The following PBX3 variants were observed in gnomAD, a reference collection of about 807,000 sequenced individuals.
The protein encoded by PBX3 is PBX homeobox 3, also known as pre-B-cell leukemia transcription factor 3.
Under a neutral mutation model 48.5 loss-of-function variants are expected in PBX3, and 14 were observed. The observed-to-expected ratio is 0.29, with a 90% confidence interval of 0.19 to 0.45. The LOEUF is 0.45. Among genes scored for constraint, PBX3 ranks in the 20% least tolerant of loss-of-function variants. PBX3 has a pLI of 1.00. For missense variants in PBX3, 386 were observed against 546.7 expected (o/e 0.71, Z 2.93); for synonymous variants, 210 against 200.3 (o/e 1.05, Z -0.41).
intron 2 of PBX3, among the ~76,000 whole-genome samples, chr9:125,862,190 C>T (rs781429019): frequency 1.3e-5 from 2 of 152,174 alleles, no homozygotes; most frequent in Non-Finnish European, 2.9e-5. Context: ...TTCCTGGTGG[C>T]GTTACTAGGT....
At chr9:125,763,753 C>G (rs887965499) in intron 2 of PBX3, among the ~76,000 whole-genome samples, 3 of 152,164 alleles carry the variant, frequency 2.0e-5, no homozygotes, top group Admixed American at 6.5e-5. Flanking sequence ...CGCTGTCCCT[C>G]CTTTTACTCC....
At chr9:125,890,010 G>T (rs1840602967) in intron 2 of PBX3, among the ~76,000 whole-genome samples, 1 of 152,026 alleles carries the variant, frequency 6.6e-6, no homozygotes, top group Non-Finnish European at 1.5e-5. Context: ...AACGCGCGTT[G>T]CCCGCCGACC....
rs1343170625 is a variant in PBX3, at chr9:125,883,215, G to A, written c.275-32471G>A. Among the ~76,000 whole-genome samples, 3 of 152,144 alleles carry A rather than the reference G, an allele frequency of 2.0e-5. No homozygotes were observed. In the East Asian group the frequency reaches 5.8e-4, roughly 29 times the overall value. On this transcript the variant is annotated intron_variant, in intron 2 of 8. Transcript: ENST00000373489. ...CAAACACGGTAAACTTAGATAACTA[G>A]AAAAAGGTGTTAGGCTTACAATTTT...
chr9:125,777,357 T>G (rs1198272157), intron 2 of PBX3, among the ~76,000 whole-genome samples: 1 of 149,196 alleles, frequency 6.7e-6, no homozygotes, highest in African/African-American at 2.5e-5. Flanking sequence ...ATTCTTCTTC[T>G]TCTTCTTTTT....
At chr9:125,821,426 A>AACTTTCAAC (rs1838650820) in intron 2 of PBX3, among the ~76,000 whole-genome samples, 1 of 152,132 alleles carries the variant, frequency 6.6e-6, no homozygotes, top group South Asian at 2.1e-4. Context: ...GTTGAAAGAA[A>AACTTTCAAC]GAATCTTTTT....
At chr9:125,925,419 C>T (rs914676532) in intron 3 of PBX3, among the ~76,000 whole-genome samples, 1 of 151,924 alleles carries the variant, frequency 6.6e-6, no homozygotes, top group Non-Finnish European at 1.5e-5. Flanking sequence ...AATGAAATAC[C>T]TCATTAACAG....
intron 2 of PBX3, among the ~76,000 whole-genome samples, chr9:125,767,049 T>C (rs1836817548): frequency 6.6e-6 from 1 of 152,222 alleles, no homozygotes; most frequent in African/African-American, 2.4e-5. Context: ...CAACCACTGA[T>C]GTGTTGCTGT....
chr9:125,831,798 G>C (rs1009725433), intron 2 of PBX3, among the ~76,000 whole-genome samples: 1 of 152,114 alleles, frequency 6.6e-6, no homozygotes, highest in Non-Finnish European at 1.5e-5. Context: ...TGGCTCCTGT[G>C]TCCTTCTGAT....
intron 2 of PBX3, 132 bp from the exon 3 acceptor site, chr9:125,915,554 A>G: frequency 3.0e-6 from 2 of 664,860 alleles, no homozygotes; most frequent in Admixed American, 5.9e-5. Flanking sequence ...AATGTGAACA[A>G]TGAAGTTCTC....
chr9:125,935,428 A>C, intron 4 of PBX3, 44 bp from the exon 5 acceptor site: 1 of 1,598,754 alleles, frequency 6.3e-7, no homozygotes, highest in Non-Finnish European at 8.6e-7. Context: ...TCTTAGGTTA[A>C]TGCTGATTGT....
At chr9:125,791,383 C>T (rs1457661775) in intron 2 of PBX3, among the ~76,000 whole-genome samples, 2 of 151,726 alleles carry the variant, frequency 1.3e-5, no homozygotes, top group Non-Finnish European at 2.9e-5. Flanking sequence ...ATCTGTCTAG[C>T]TAGGATTTGT....
chr9:125,748,291 G>T (rs1366348431), intron 1 of PBX3: 3 of 1,103,506 alleles, frequency 2.7e-6, no homozygotes, highest in Non-Finnish European at 3.3e-6. Flanking sequence ...CCCCGCGCGG[G>T]TTCGCGTCGC....
intron 2 of PBX3, among the ~76,000 whole-genome samples, chr9:125,833,869 G>T (rs1265854728): frequency 1.3e-5 from 2 of 152,170 alleles, no homozygotes; most frequent in Non-Finnish European, 2.9e-5. Flanking sequence ...ACCTTGGAAT[G>T]GGATTGCTAG....
chr9:125,747,562 G>A lies in PBX3; in HGVS notation c.109G>A (p.Ala37Thr), dbSNP rs768144138. The change falls in exon 1 of 9, where the codon GCG (alanine) becomes ACG (threonine). Residue 37 changes from alanine (A) to threonine (T), a missense_variant. This residue lies in a region of PBX3 where 116 missense variants were observed against 98.2 expected (regional missense o/e 1.18). Coordinates refer to ENST00000373489, the MANE Select transcript of PBX3 (RefSeq NM_006195.6). ...GCCTCCCCCGCACGGCCACGAAGGG[G>A]CGGACGGCGACGGCAGGAAGCAGGA... is the stretch of plus-strand genomic sequence containing the variant. ...LPPPPHGHEG[A>T]DGDGRKQDIG... 1.9e-6 allele frequency: 3 copies of A among 1,606,812 alleles called. No homozygotes were observed. The highest frequency in any genetic ancestry group is 2.5e-6 in the Non-Finnish European group (3 of 1,176,852).
At chr9:125,898,299 T>C (rs896871311) in intron 2 of PBX3, among the ~76,000 whole-genome samples, 2 of 151,758 alleles carry the variant, frequency 1.3e-5, no homozygotes, top group Admixed American at 6.6e-5. Flanking sequence ...GAGCAAACTT[T>C]TCCCAGAAAT....
At chr9:125,945,229 G>A (rs78244733) in intron 5 of PBX3, among the ~76,000 whole-genome samples, 87 of 145,412 alleles carry the variant, frequency 6.0e-4, no homozygotes, top group Non-Finnish European at 6.9e-4. Flanking sequence ...GTCTCAAAAA[G>A]AAAAAAAAAA....
intron 2 of PBX3, among the ~76,000 whole-genome samples, chr9:125,898,666 A>G (rs1840833679): frequency 6.6e-6 from 1 of 151,806 alleles, no homozygotes; most frequent in African/African-American, 2.4e-5. Flanking sequence ...CATACAACCA[A>G]ATAACAGAGC....
intron 5 of PBX3, among the ~76,000 whole-genome samples, chr9:125,942,924 C>T (rs1002633839): frequency 2.0e-5 from 3 of 152,148 alleles, no homozygotes; most frequent in Non-Finnish European, 4.4e-5. Context: ...TTTTTTGTTG[C>T]TGTTGTTCTC....
intron 2 of PBX3, 177 bp downstream of exon 2, chr9:125,748,800 G>T (rs751643845): frequency 1.9e-5 from 10 of 515,090 alleles, no homozygotes; most frequent in Admixed American, 6.3e-5. Context: ...CAATTTCTCA[G>T]TTCTGCTCCT....
Sources: allele counts gnomAD v4.1 joint callset (sites outside exome capture counted in the v4.1 genomes callset), GRCh38; gene constraint gnomAD v4.1.1; regional missense constraint gnomAD v4.1.1; transcripts MANE v1.5; gene names NCBI Gene and HGNC (gene_info 2026-07-23, HGNC 2026-07-21).